The following GNG7 variants were observed in gnomAD, a reference collection of about 807,000 sequenced individuals.
GNG7 encodes G protein subunit gamma 7, also known as guanine nucleotide-binding protein G(I)/G(S)/G(O) subunit gamma-7.
In GNG7, 1 loss-of-function variant was observed where a neutral mutation model predicts 4.0. The ratio of observed to expected loss-of-function variants is 0.25; its 90% CI spans 0.09 to 1.18. The LOEUF is 1.18. Ranked by LOEUF, GNG7 falls within the 50% of genes most tolerant of loss-of-function variation. GNG7 has a pLI of 0.50. For missense variants in GNG7, 86 were observed against 91.9 expected, an observed-to-expected ratio of 0.94 and a Z score of 0.26; for synonymous variants, 34 against 36.9, an observed-to-expected ratio of 0.92 and a Z score of 0.29.
intron 2 of GNG7, among the ~76,000 whole-genome samples, chr19:2,593,172 G>A (rs979891749): frequency 6.6e-6 from 1 of 152,178 alleles, no homozygotes; most frequent in African/African-American, 2.4e-5. Flanking sequence ...AAGAGGACAG[G>A]GCACCGGGTG....
intron 4 of GNG7, 25 bp from the exon 5 acceptor site, chr19:2,515,172 CAG>C (rs1972716120): frequency 6.2e-7 from 1 of 1,612,670 alleles, no homozygotes; most frequent in Admixed American, 1.7e-5. Context: ...AAGGAGGAGA[CAG>C]AGGAGACATA....
chr19:2,605,376 A>G lies in GNG7; in HGVS notation c.-78+40848T>C, dbSNP rs570398067. ...ACCATGCCCAGCTAATTTTTGTATTATTAGTAGAGACGGGGTTTCACCATG... is the reference window on the plus strand; with the variant it reads ...ACCATGCCCAGCTAATTTTTGTATTGTTAGTAGAGACGGGGTTTCACCATG... On this transcript the variant is annotated intron_variant, in intron 2 of 4. Transcript: ENST00000382159. Among the ~76,000 whole-genome samples, 103 of 146,600 alleles carry G rather than the reference A, an allele frequency of 7.0e-4. 1 individual carries two copies. Among genetic ancestry groups the G allele is most frequent in the Non-Finnish European group, 1.3e-3 (86 of 66,114 alleles).
chr19:2,534,647 G>C (rs982590745), intron 3 of GNG7, among the ~76,000 whole-genome samples: 1 of 152,196 alleles, frequency 6.6e-6, no homozygotes, highest in African/African-American at 2.4e-5. Context: ...AAGGTAGATG[G>C]CTTGCCCAGA....
rs998692748 is a variant in GNG7 at position 2,653,508 on chromosome 19, A to G, written c.-134-7228T>C. On this transcript the variant is annotated intron_variant, in intron 1 of 4. Coordinates refer to ENST00000382159, the MANE Select transcript of GNG7 (RefSeq NM_052847.3). This position sits in a 1 kb window ranked among gnomAD's most constrained non-coding sequence, Gnocchi z 4.8. ...CCTGGTTTATACCGTCTTCCCCATC[A>G]GGAGTTTATCCTGGTGTCTGGAGTG... Among the ~76,000 whole-genome samples the G allele has an allele frequency of 2.0e-5, 3 of 152,160 alleles. No individual in the cohort carries two copies. The highest frequency in any genetic ancestry group is 7.2e-5 in the African/African-American group (3 of 41,438).
At chr19:2,689,256 G>A (rs1007270117) in intron 1 of GNG7, among the ~76,000 whole-genome samples, 2 of 150,838 alleles carry the variant, frequency 1.3e-5, no homozygotes, top group African/African-American at 4.9e-5. Flanking sequence ...TGTTATAGGG[G>A]AAAAAAAATA....
chr19:2,694,604 G>A (rs1172422050), intron 1 of GNG7, among the ~76,000 whole-genome samples: 1 of 152,152 alleles, frequency 6.6e-6, no homozygotes, highest in African/African-American at 2.4e-5. Flanking sequence ...CAATGGGGCA[G>A]ACAGTGTAAA....
At chr19:2,537,090 G>C (rs1978765181) in intron 3 of GNG7, among the ~76,000 whole-genome samples, 3 of 151,786 alleles carry the variant, frequency 2.0e-5, no homozygotes, top group African/African-American at 7.3e-5. Flanking sequence ...GGGACTACAG[G>C]TGCCCGCCAC....
intron 2 of GNG7, among the ~76,000 whole-genome samples, chr19:2,561,996 T>G (rs753628692): frequency 5.3e-5 from 8 of 152,038 alleles, no homozygotes; most frequent in Admixed American, 2.0e-4. Context: ...CAGGAAACCC[T>G]GTTTCTGAGC....
intron 2 of GNG7, among the ~76,000 whole-genome samples, chr19:2,608,541 C>A (rs1981465180): frequency 6.6e-6 from 1 of 152,234 alleles, no homozygotes; most frequent in African/African-American, 2.4e-5. Context: ...ACACCTGTGC[C>A]TCTCGAGTCA....
chr19:2,527,243 C>A (rs996150387), intron 3 of GNG7, among the ~76,000 whole-genome samples: 1 of 152,212 alleles, frequency 6.6e-6, no homozygotes, highest in Non-Finnish European at 1.5e-5. Context: ...TCCAGGGCGA[C>A]GTCACCTGTG....
At chr19:2,625,818 C>T (rs759154485) in intron 2 of GNG7, among the ~76,000 whole-genome samples, 8 of 151,122 alleles carry the variant, frequency 5.3e-5, no homozygotes, top group Non-Finnish European at 8.9e-5. Context: ...GTTTTTGAGG[C>T]GGAGTCTCAC....
At chr19:2,676,189 G>A (rs538805019) in intron 1 of GNG7, among the ~76,000 whole-genome samples, 95 of 152,354 alleles carry the variant, frequency 6.2e-4, no homozygotes, top group Non-Finnish European at 1.0e-3. Flanking sequence ...GAACGGCCCT[G>A]CCCACACCTT....
chr19:2,557,104 GAC>G lies in GNG7; in HGVS notation c.-77-1918_-77-1917del, dbSNP rs774558761. Among the ~76,000 whole-genome samples, 71 of 147,594 alleles carry G rather than the reference GAC, an allele frequency of 4.8e-4. No homozygotes were observed. The highest frequency in any genetic ancestry group is 1.1e-3 in the South Asian group (5 of 4,650). ...ACACACGTGCACACAGGAATACTCA[GAC>G]ACACGCACACACGTACACACGTGTA... On this transcript the variant is annotated intron_variant, in intron 2 of 4. Transcript: ENST00000382159. The surrounding 1 kb of genome is among the most constrained non-coding windows in gnomAD (Gnocchi z 5.1).
chr19:2,597,175 T>C (rs547671364), intron 2 of GNG7, among the ~76,000 whole-genome samples: 63 of 126,062 alleles, frequency 5.0e-4, no homozygotes, highest in African/African-American at 1.7e-3. Context: ...GGCGGGAGGA[T>C]TGCTTGAGCC....
chr19:2,559,247 G>A (rs1361932160), intron 2 of GNG7, among the ~76,000 whole-genome samples: 6 of 151,674 alleles, frequency 4.0e-5, no homozygotes, highest in Admixed American at 6.6e-5. Context: ...CTGAGTTTGC[G>A]AACACAAATC....
chr19:2,554,557 A>ATTTTTT (rs1462834239), intron 3 of GNG7, among the ~76,000 whole-genome samples: 1 of 71,684 alleles, frequency 1.4e-5, no homozygotes, highest in African/African-American at 5.6e-5. Context: ...ATATATATAT[A>ATTTTTT]TATTTTTTTT....
chr19:2,608,051 G>GGAA (rs1491194503), intron 2 of GNG7, among the ~76,000 whole-genome samples: 6 of 99,112 alleles, frequency 6.1e-5, no homozygotes, highest in Admixed American at 2.5e-4. Flanking sequence ...TGGTATTTGA[G>GGAA]AAAAAAAAAA....
chr19:2,669,856 A>G (rs1466811487), intron 1 of GNG7, among the ~76,000 whole-genome samples: 2 of 151,870 alleles, frequency 1.3e-5, no homozygotes, highest in Non-Finnish European at 2.9e-5. Flanking sequence ...CTAAAAATAC[A>G]AAAATTAGCC....
At chr19:2,593,901 T>C (rs931356567) in intron 2 of GNG7, among the ~76,000 whole-genome samples, 4 of 135,020 alleles carry the variant, frequency 3.0e-5, no homozygotes, top group African/African-American at 1.1e-4. Flanking sequence ...TGAAGCAAGC[T>C]GAGAGGCAGG....
Sources: gnomAD v4.1 joint callset for allele counts (sites outside exome capture counted in the v4.1 genomes callset) on GRCh38, gnomAD v4.1.1 for gene constraint, Gnocchi (gnomAD v3.1) non-coding constraint, MANE v1.5 for transcripts, NCBI Gene and HGNC (gene_info 2026-07-23, HGNC 2026-07-21) for gene names.